NRXN2: variants seen among roughly 807,000 people sequenced by gnomAD.
The protein encoded by NRXN2 is neurexin-2-beta.
In NRXN2, 29 loss-of-function variants were observed where a neutral mutation model predicts 128.8. That is an observed-to-expected ratio of 0.23 (90% CI 0.17 to 0.31). The LOEUF is 0.31. NRXN2 is among the 10% of genes least tolerant of loss of function. The pLI is 1.00. For synonymous variants in NRXN2, 1,098 were observed against 1,075.2 expected, an observed-to-expected ratio of 1.02 and a Z score of -0.41; for missense variants, 1,881 against 2,452.6, an observed-to-expected ratio of 0.77 and a Z score of 4.92.
chr11:64,677,711 G>C (rs539415646), intron 6 of NRXN2, among the ~76,000 whole-genome samples: 1 of 152,330 alleles, frequency 6.6e-6, no homozygotes, highest in East Asian at 1.9e-4. Flanking sequence ...GGAAGGAAGG[G>C]AGGGAACAAG....
rs2044635300 is a variant in NRXN2 at position 64,635,873 on chromosome 11, G to C, written c.3404-421C>G. On this transcript the variant is annotated intron_variant, in intron 17 of 22. Coordinates refer to ENST00000265459, the MANE Select transcript of NRXN2 (RefSeq NM_015080.4). The surrounding 1 kb of genome is among the most constrained non-coding windows in gnomAD (Gnocchi z 4.8). ...AGATCCAAGGTGTGTGCTTCTTTGG[G>C]GCCAGAGCTAAGCAGGCACCAAGGA... Among the ~76,000 whole-genome samples, 1 of 151,888 alleles carries C rather than the reference G, an allele frequency of 6.6e-6. No individual in the cohort carries two copies. Among genetic ancestry groups the C allele is most frequent in the Admixed American group, 6.6e-5 (1 of 15,250 alleles).
intron 2 of NRXN2, among the ~76,000 whole-genome samples, chr11:64,712,184 A>C (rs2056973336): frequency 8.1e-6 from 1 of 123,460 alleles, no homozygotes; most frequent in Non-Finnish European, 1.7e-5. Context: ...TCACCGTTTC[A>C]CATGGGGCCC....
Position 64,660,360 on chromosome 11 carries a change from C to T in NRXN2, c.2361G>A (p.Gly787=), listed in dbSNP as rs1256563646. 1.2e-6 allele frequency: 2 copies of T among 1,614,010 alleles called. No individual in the cohort carries two copies. Among genetic ancestry groups the T allele is most frequent in the East Asian group, 2.2e-5 (1 of 44,880 alleles). Residue 787 remains glycine, a synonymous_variant, in exon 11 of 23, where the codon GGG becomes GGA. Coordinates refer to ENST00000265459, the MANE Select transcript of NRXN2 (RefSeq NM_015080.4). This position sits in a 1 kb window ranked among gnomAD's most constrained non-coding sequence, Gnocchi z 5.2. ...SADTLRLELD[G]GQMKLTVNLD... ...GGTTGACAGTGAGCTTCATCTGCCC[C>T]CCATCCAGCTCCAGGCGTAGGGTGT...
rs2042700761 is a variant in NRXN2, at chr11:64,623,771, C to T, written c.3848-693G>A. 1 of 152,756 alleles carries T rather than the reference C, an allele frequency of 6.5e-6. No homozygotes were observed. The highest frequency in any genetic ancestry group is 2.4e-5 in the African/African-American group (1 of 41,456). The allele number at this position is 152,756 out of a possible 1,614,324, so 9.5% of individuals were successfully genotyped here. Reference sequence around the variant, plus strand: ...CAGGCCCTGTTAAGCCGAGCCCTTCCTCCCCACCTGGACATGCAAGCACAG... The same window carrying T: ...CAGGCCCTGTTAAGCCGAGCCCTTCTTCCCCACCTGGACATGCAAGCACAG... On this transcript the variant is annotated intron_variant, in intron 20 of 22. Coordinates refer to ENST00000265459, the MANE Select transcript of NRXN2 (RefSeq NM_015080.4). The surrounding 1 kb of genome is among the most constrained non-coding windows in gnomAD (Gnocchi z 4.9).
chr11:64,648,100 A>G lies in NRXN2; in HGVS notation c.3403+119T>C. ...TGGGACTCTGCAGACAAGGGATGAG[A>G]AGGAAGAAGCAGCACAGCTCCTGAA... On this transcript the variant is annotated intron_variant, in intron 17 of 22. Coordinates refer to ENST00000265459, the MANE Select transcript of NRXN2 (RefSeq NM_015080.4). This position sits in a 1 kb window ranked among gnomAD's most constrained non-coding sequence, Gnocchi z 4.1. The G allele has an allele frequency of 7.1e-7, 1 of 1,415,416 alleles. No homozygotes were observed. The highest frequency in any genetic ancestry group is 9.9e-7 in the Non-Finnish European group (1 of 1,013,064). The allele number at this position is 1,415,416 out of a possible 1,614,324, so 87.7% of individuals were successfully genotyped here.
chr11:64,653,896 CT>C (rs2047877036), intron 11 of NRXN2, among the ~76,000 whole-genome samples, 174 bp from the exon 12 acceptor site: 1 of 152,000 alleles, frequency 6.6e-6, no homozygotes, highest in Non-Finnish European at 1.5e-5. Flanking sequence ...AGTTGGACCC[CT>C]GTCCCTCCTG....
chr11:64,615,350 C>A (rs2041311934), intron 22 of NRXN2, among the ~76,000 whole-genome samples: 1 of 152,240 alleles, frequency 6.6e-6, no homozygotes, highest in South Asian at 2.1e-4. Context: ...AAATACATTT[C>A]TATGTGTTAA....
intron 8 of NRXN2, among the ~76,000 whole-genome samples, 176 bp downstream of exon 8, chr11:64,668,267 G>T (rs1591973797): frequency 1.3e-5 from 2 of 152,220 alleles, no homozygotes; most frequent in East Asian, 3.9e-4. Flanking sequence ...AAATCAAAGG[G>T]GAGAAGCCTC....
At chr11:64,649,349 C>T (rs1022142545) in intron 15 of NRXN2, among the ~76,000 whole-genome samples, 1 of 152,140 alleles carries the variant, frequency 6.6e-6, no homozygotes, top group Non-Finnish European at 1.5e-5. Context: ...GTTCAAAGCC[C>T]AGCTCCCTTC....
intron 17 of NRXN2, among the ~76,000 whole-genome samples, chr11:64,644,911 C>T (rs534553003): frequency 6.6e-6 from 1 of 152,270 alleles, no homozygotes; most frequent in Admixed American, 6.5e-5. Context: ...GTGCCACCCC[C>T]AGCTCCAGGA....
chr11:64,678,663 C>T (rs2051707045), intron 6 of NRXN2, among the ~76,000 whole-genome samples: 1 of 152,160 alleles, frequency 6.6e-6, no homozygotes, highest in South Asian at 2.1e-4. Context: ...GCAGCAACAA[C>T]CACCTTCCAA....
Position 64,607,249 on chromosome 11 carries a change from G to C in NRXN2, c.5086C>G (p.Pro1696Ala). Residue 1696 changes from proline (P) to alanine (A), a missense_variant, in exon 23 of 23, where the codon CCC becomes GCC. Coordinates refer to ENST00000265459, the MANE Select transcript of NRXN2 (RefSeq NM_015080.4). ...AVVKEKAPAA[P>A]KTPSKAKKNK... The stretch of plus-strand genomic sequence containing the variant: ...TTCTTGGCCTTGCTGGGCGTCTTGG[G>C]GGCAGCCGGGGCCTTCTCTTTCACC... 2 of 1,613,944 alleles carry C rather than the reference G, an allele frequency of 1.2e-6. No homozygotes were observed. Among genetic ancestry groups the C allele is most frequent in the Non-Finnish European group, 8.5e-7 (1 of 1,179,944 alleles).
chr11:64,648,620 G>A lies in NRXN2; in HGVS notation c.3283+114C>T. 1 of 1,410,468 alleles carries A rather than the reference G, an allele frequency of 7.1e-7. No individual in the cohort carries two copies. Among genetic ancestry groups the A allele is most frequent in the Non-Finnish European group, 1.0e-6 (1 of 1,000,248 alleles). 87.4% of individuals were successfully genotyped at this position (1,410,468 alleles called of 1,614,324 possible). A position where few individuals can be genotyped will look rare whatever the true frequency, so the allele number is the denominator to read the frequency against. ...AACTGTGGGGGCAAGCTCCCATAAG[G>A]CCTGAGAAGGAAGGCCCCTTGGCAG... On this transcript the variant is annotated intron_variant, in intron 16 of 22. Transcript: ENST00000265459. The surrounding 1 kb of genome is among the most constrained non-coding windows in gnomAD (Gnocchi z 4.1).
At chr11:64,646,399 C>T (rs1214452210) in intron 17 of NRXN2, 1 of 152,462 alleles carries the variant, frequency 6.6e-6, no homozygotes, top group Non-Finnish European at 1.5e-5. Flanking sequence ...GGGAGTGAAG[C>T]AGTGGCGACG....
intron 4 of NRXN2, among the ~76,000 whole-genome samples, chr11:64,691,850 A>G (rs1242795685): frequency 1.3e-5 from 2 of 152,222 alleles, no homozygotes; most frequent in South Asian, 4.1e-4. Flanking sequence ...TTCTCCCTGC[A>G]GCCCAATCTT....
intron 7 of NRXN2, among the ~76,000 whole-genome samples, chr11:64,670,028 G>C (rs1025045181): frequency 1.3e-5 from 2 of 151,958 alleles, no homozygotes; most frequent in Non-Finnish European, 2.9e-5. Flanking sequence ...TGGTCTCGGT[G>C]GGTGAGGTGG....
intron 6 of NRXN2, among the ~76,000 whole-genome samples, chr11:64,681,624 G>A (rs1425218945): frequency 6.6e-6 from 1 of 152,210 alleles, no homozygotes; most frequent in Non-Finnish European, 1.5e-5. Flanking sequence ...TCACTTTACT[G>A]ATGAGGAGCT....
chr11:64,620,315 C>T lies in NRXN2; in HGVS notation c.4231G>A (p.Glu1411Lys), dbSNP rs374583847. ...AECPSDDEDL[E>K]ECEPSTGGEL... ...TCACCAGTACTGGGCTCACACTCCT[C>T]CAGGTCCTCATCATCGCTTGGACAC... The change falls in exon 22 of 23, where the codon GAG becomes AAG. Residue 1411 changes from glutamate to lysine, a missense_variant. Around this residue, in one of 7 missense-constraint regions of NRXN2, gnomAD observed 108 missense variants for 165.2 expected, o/e 0.65. Coordinates refer to ENST00000265459, the MANE Select transcript of NRXN2 (RefSeq NM_015080.4). The T allele has an allele frequency of 6.4e-7, 1 of 1,553,752 alleles. No individual in the cohort carries two copies. The highest frequency in any genetic ancestry group is 8.7e-7 in the Non-Finnish European group (1 of 1,148,130).
At chr11:64,653,624 C>G in intron 12 of NRXN2, 72 bp downstream of exon 12, 1 of 1,417,406 alleles carries the variant, frequency 7.1e-7, no homozygotes, top group South Asian at 1.2e-5. Context: ...CTCCCAGCCT[C>G]CCTCCCTAAA....
Sources: gnomAD v4.1 joint callset for allele counts (sites outside exome capture counted in the v4.1 genomes callset) on GRCh38, gnomAD v4.1.1 for gene constraint, gnomAD v4.1.1 regional missense constraint, Gnocchi (gnomAD v3.1) non-coding constraint, MANE v1.5 for transcripts, NCBI Gene and HGNC (gene_info 2026-07-23, HGNC 2026-07-21) for gene names.